Variants in PLXNB1 observed in about 807,000 individuals in gnomAD.
PLXNB1 encodes plexin B1.
PLXNB1 carries 106 observed loss-of-function variants against 209.4 expected under a neutral mutation model. That is an observed-to-expected ratio of 0.51 (90% CI 0.43 to 0.59). The LOEUF (loss-of-function observed/expected upper bound fraction) is 0.59, where lower values mean the gene tolerates loss of function less well. Ranked by LOEUF, PLXNB1 falls within the 20% of genes least tolerant of loss-of-function variation. The pLI, the probability that PLXNB1 is intolerant of heterozygous loss-of-function variation, is 0.00. For missense variants in PLXNB1, 2,357 were observed against 2,853.2 expected (o/e 0.83, Z 3.96); for synonymous variants, 1,167 against 1,183.2 (o/e 0.99, Z 0.28).
chr3:48,419,630 T>C lies in PLXNB1; in HGVS notation c.2656A>G (p.Ile886Val), dbSNP rs1303499797. The C allele has an allele frequency of 3.7e-6, 6 of 1,612,400 alleles. No homozygotes were observed. Among genetic ancestry groups the C allele is most frequent in the Non-Finnish European group, 5.1e-6 (6 of 1,179,828 alleles). ...AELEGPPAPL[I>V]LPSSLDYQYD... Reference sequence around the variant, plus strand: ...TGGTAGTCGAGGCTGGACGGGAGGATGAGGGGGGCGGGAGGGCCCTCAAGC... The same window carrying C: ...TGGTAGTCGAGGCTGGACGGGAGGACGAGGGGGGCGGGAGGGCCCTCAAGC... The change falls in exon 11 of 38, where the codon ATC (isoleucine) becomes GTC (valine). Residue 886 changes from isoleucine (I) to valine (V), a missense_variant. Around this residue, in one of 7 missense-constraint regions of PLXNB1, gnomAD observed 410 missense variants for 401.0 expected, o/e 1.02. Coordinates refer to ENST00000296440, the MANE Select transcript of PLXNB1 (RefSeq NM_001130082.3). The surrounding 1 kb of genome is among the most constrained non-coding windows in gnomAD (Gnocchi z 5.7).
chr3:48,422,667 G>GC, intron 4 of PLXNB1, 98 bp downstream of exon 4: 1 of 1,370,580 alleles, frequency 7.3e-7, no homozygotes, highest in Non-Finnish European at 1.0e-6. Context: ...ATCTCTCCTG[G>GC]CCCAGGGGTC....
intron 34 of PLXNB1, among the ~76,000 whole-genome samples, chr3:48,408,908 C>A (rs1340371293): frequency 6.6e-6 from 1 of 152,160 alleles, no homozygotes; most frequent in Non-Finnish European, 1.5e-5. Context: ...GACAGCACAG[C>A]GCCCTCTTGG....
In PLXNB1 at chr3:48,412,755, A is replaced by G. The variant is rs2037779544; in HGVS notation, c.4841T>C (p.Leu1614Pro). 1 of 1,612,366 alleles carries G rather than the reference A, an allele frequency of 6.2e-7. No individual in the cohort carries two copies. Among genetic ancestry groups the G allele is most frequent in the Non-Finnish European group, 8.5e-7 (1 of 1,179,176 alleles). The change falls in exon 25 of 38, where the codon CTC becomes CCC. Residue 1614 changes from leucine (L) to proline (P), a missense_variant. Around this residue, in one of 7 missense-constraint regions of PLXNB1, gnomAD observed 743 missense variants for 896.2 expected, o/e 0.83. Transcript: ENST00000296440. ...GQLSNLLNSK[L>P]FLTKFIHTLE... is the part of the protein sequence containing the mutation. The stretch of plus-strand genomic sequence containing the variant: ...AGCTGGGGGTACCTTGGTGAGGAAG[A>G]GCTTGCTGTTGAGCAGGTTAGAGAG...
chr3:48,409,686 T>A lies in PLXNB1; in HGVS notation c.5824A>T (p.Ser1942Cys), dbSNP rs758527514. 1 of 1,613,776 alleles carries A rather than the reference T, an allele frequency of 6.2e-7. No individual in the cohort carries two copies. Among genetic ancestry groups the A allele is most frequent in the African/African-American group, 1.3e-5 (1 of 74,908 alleles). Residue 1942 changes from serine (S) to cysteine (C), a missense_variant, in exon 33 of 38, where the codon AGC (serine) becomes TGC (cysteine). This residue lies in a region of PLXNB1 where 414 missense variants were observed against 520.5 expected (regional missense o/e 0.80). Coordinates refer to ENST00000296440, the MANE Select transcript of PLXNB1 (RefSeq NM_001130082.3). This position sits in a 1 kb window ranked among gnomAD's most constrained non-coding sequence, Gnocchi z 5.8. Reference sequence around the variant, plus strand: ...GCGAGCGGCACGGGGCGGCTGGTGCTGAGAATCACCTGGAACAGGTCATCC... The same window carrying A: ...GCGAGCGGCACGGGGCGGCTGGTGCAGAGAATCACCTGGAACAGGTCATCC... ...FVDDLFQVIL[S>C]TSRPVPLAVK...
In PLXNB1 at chr3:48,429,066, T is replaced by TC. The variant is rs2107061146; in HGVS notation, c.-60+941dup. 6.6e-6 allele frequency among the ~76,000 whole-genome samples: 1 copy of TC among 152,268 alleles called. No homozygotes were observed. The highest frequency in any genetic ancestry group is 2.4e-5 in the African/African-American group (1 of 41,556). On this transcript the variant is annotated intron_variant, in intron 1 of 37. Coordinates refer to ENST00000296440, the MANE Select transcript of PLXNB1 (RefSeq NM_001130082.3). This position sits in a 1 kb window ranked among gnomAD's most constrained non-coding sequence, Gnocchi z 6.4. ...GAGGAGCAGCTCCACCTCCTCAGTC[T>TC]CCCAATCGCGTTCCAGGCGGAGTCG...
chr3:48,414,108 C>G (rs751167564), intron 21 of PLXNB1, 37 bp from the exon 22 acceptor site: 1 of 1,602,944 alleles, frequency 6.2e-7, no homozygotes, highest in African/African-American at 1.3e-5. Flanking sequence ...ACTCAGGACC[C>G]TTCCCTCAGA....
chr3:48,420,945 C>A lies in PLXNB1; in HGVS notation c.1822G>T (p.Val608Leu). 3 of 1,613,050 alleles carry A rather than the reference C, an allele frequency of 1.9e-6. No individual in the cohort carries two copies. The highest frequency in any genetic ancestry group is 2.5e-6 in the Non-Finnish European group (3 of 1,179,134). Residue 608 changes from valine (V) to leucine (L), a missense_variant, in exon 9 of 38, where the codon GTG becomes TTG. Coordinates refer to ENST00000296440, the MANE Select transcript of PLXNB1 (RefSeq NM_001130082.3). ...GCGCCAAATCTGAGCTCCACGCTCA[C>A]GGATACGTAGTCTGCAGAGGGGGAG... The part of the protein sequence containing the change: ...VLPRGADYVS[V>L]SVELRFGAVV...
rs1388593420 is a variant in PLXNB1 at position 48,411,676 on chromosome 3, C to A, written c.5247+187G>T. 6.6e-6 allele frequency among the ~76,000 whole-genome samples: 1 copy of A among 152,192 alleles called. No individual in the cohort carries two copies. Among genetic ancestry groups the A allele is most frequent in the Non-Finnish European group, 1.5e-5 (1 of 68,044 alleles). ...CACATAGAGGCCTTATCATCAAAGT[C>A]TGCCCTAAACTGCTATCCTGCTAAG... On this transcript the variant is annotated intron_variant, in intron 28 of 37. Transcript: ENST00000296440. The surrounding 1 kb of genome is among the most constrained non-coding windows in gnomAD (Gnocchi z 4.0).
In PLXNB1 at chr3:48,404,248, G is replaced by A. The variant is rs1575370357; in HGVS notation, c.*238C>T. 3 of 525,304 alleles carry A rather than the reference G, an allele frequency of 5.7e-6. No homozygotes were observed. In the East Asian group the frequency reaches 9.4e-5, roughly 16 times the overall value. 32.5% of individuals were successfully genotyped at this position (525,304 alleles called of 1,614,324 possible). A position where few individuals can be genotyped will look rare whatever the true frequency, so the allele number is the denominator to read the frequency against. On this transcript the variant is annotated 3_prime_UTR_variant, in exon 38 of 38. Transcript: ENST00000296440. Reference sequence around the variant, plus strand: ...AGTCCCCAACTCCCTGCAGACCGGTGTCACAGGGTCGCTGGACTCGGGGAG... The same window carrying A: ...AGTCCCCAACTCCCTGCAGACCGGTATCACAGGGTCGCTGGACTCGGGGAG...
chr3:48,421,961 G>A, intron 6 of PLXNB1, 144 bp downstream of exon 6: 1 of 1,319,880 alleles, frequency 7.6e-7, no homozygotes, highest in Non-Finnish European at 1.0e-6. Flanking sequence ...GATGCCCAGT[G>A]CAGAGGATGG....
chr3:48,416,361 G>C lies in PLXNB1; in HGVS notation c.3465C>G (p.His1155Gln), dbSNP rs751648829. 6.2e-7 allele frequency: 1 copy of C among 1,612,078 alleles called. No homozygotes were observed. Among genetic ancestry groups the C allele is most frequent in the Non-Finnish European group, 8.5e-7 (1 of 1,179,166 alleles). ...VPGRGRGVSE[H>Q]DFAYQDPKVH... Reference sequence around the variant, plus strand: ...AGTCAGGTACCTGGTAGGCAAAGTCGTGTTCTGAGACACCACGTCCTCTTC... The same window carrying C: ...AGTCAGGTACCTGGTAGGCAAAGTCCTGTTCTGAGACACCACGTCCTCTTC... The change falls in exon 17 of 38, where the codon CAC becomes CAG. Residue 1155 changes from histidine (H) to glutamine (Q), a missense_variant. This residue lies in a region of PLXNB1 where 743 missense variants were observed against 896.2 expected (regional missense o/e 0.83). Transcript: ENST00000296440. This position sits in a 1 kb window ranked among gnomAD's most constrained non-coding sequence, Gnocchi z 4.1.
rs2038374860 is a variant in PLXNB1 at position 48,419,826 on chromosome 3, AG to A, written c.2459del (p.Pro820LeufsTer16). ...LHPTVPLDLP[P>X]ATVPATTFPG... Reference sequence around the variant, plus strand: ...GGAAAGTGGTGGCAGGAACAGTGGCAGGGGGCAGGTCCAGGGGCACTGTGGG... The same window carrying A: ...GGAAAGTGGTGGCAGGAACAGTGGCAGGGGCAGGTCCAGGGGCACTGTGGG... On this transcript the variant is annotated frameshift_variant, in exon 11 of 38. Coordinates refer to ENST00000296440, the MANE Select transcript of PLXNB1 (RefSeq NM_001130082.3). LOFTEE classifies it high-confidence loss of function. The surrounding 1 kb of genome is among the most constrained non-coding windows in gnomAD (Gnocchi z 5.7). The A allele has an allele frequency of 1.3e-6, 2 of 1,582,386 alleles. No individual in the cohort carries two copies. Among genetic ancestry groups the A allele is most frequent in the African/African-American group, 1.3e-5 (1 of 74,514 alleles).
chr3:48,418,976 G>T lies in PLXNB1; in HGVS notation c.2896C>A (p.Arg966=). ...LEGLEVVVEA[R]VECEPPPDTQ... Reference sequence around the variant, plus strand: ...TCTGGAGGTGGCTCACACTCGACCCGGGCCTCAACCACCACCTCGAGGCCC... The same window carrying T: ...TCTGGAGGTGGCTCACACTCGACCCTGGCCTCAACCACCACCTCGAGGCCC... The change falls in exon 13 of 38, where the codon CGG becomes AGG. Residue 966 remains arginine, a synonymous_variant. Coordinates refer to ENST00000296440, the MANE Select transcript of PLXNB1 (RefSeq NM_001130082.3). The surrounding 1 kb of genome is among the most constrained non-coding windows in gnomAD (Gnocchi z 6.6). 1 of 1,614,014 alleles carries T rather than the reference G, an allele frequency of 6.2e-7. No homozygotes were observed. The highest frequency in any genetic ancestry group is 8.5e-7 in the Non-Finnish European group (1 of 1,179,978).
Position 48,405,819 on chromosome 3 carries a change from A to G in PLXNB1, c.6229-21T>C, listed in dbSNP as rs1217640715. On this transcript the variant is annotated intron_variant, in intron 36 of 37. Coordinates refer to ENST00000296440, the MANE Select transcript of PLXNB1 (RefSeq NM_001130082.3). This position sits in a 1 kb window ranked among gnomAD's most constrained non-coding sequence, Gnocchi z 5.0. ...TAGTTCTAGGGAAGAGGCCAAATGAAAGGTGAGAGAGACGAGGGGTGCAGA... is the reference window on the plus strand; with the variant it reads ...TAGTTCTAGGGAAGAGGCCAAATGAGAGGTGAGAGAGACGAGGGGTGCAGA... 1.2e-5 allele frequency: 19 copies of G among 1,606,254 alleles called. No individual in the cohort carries two copies. The highest frequency in any genetic ancestry group is 1.2e-5 in the Non-Finnish European group (14 of 1,173,814).
At position 48,423,490 on chromosome 3, in the gene PLXNB1, A is replaced by G. The variant is rs2038670139; in HGVS notation, c.1107+15T>C. ...CCTCAGAGAGGCGGAAAAGTGGGGCAATACTGGAACTCACCACTGGCAGCT... is the reference window on the plus strand; with the variant it reads ...CCTCAGAGAGGCGGAAAAGTGGGGCGATACTGGAACTCACCACTGGCAGCT... On this transcript the variant is annotated intron_variant, in intron 3 of 37. Coordinates refer to ENST00000296440, the MANE Select transcript of PLXNB1 (RefSeq NM_001130082.3). 3 of 1,603,688 alleles carry G rather than the reference A, an allele frequency of 1.9e-6. No individual in the cohort carries two copies. Among genetic ancestry groups the G allele is most frequent in the East Asian group, 4.5e-5 (2 of 44,626 alleles).
At position 48,405,993 on chromosome 3, in the gene PLXNB1, A is replaced by C. The variant is rs552486384; in HGVS notation, c.6229-195T>G. On this transcript the variant is annotated intron_variant, in intron 36 of 37. Coordinates refer to ENST00000296440, the MANE Select transcript of PLXNB1 (RefSeq NM_001130082.3). The surrounding 1 kb of genome is among the most constrained non-coding windows in gnomAD (Gnocchi z 5.0). ...GCCAGGTGTGCCAGATGGGGACAGA[A>C]CAGGGTAGAGCAAGGGGGCCTCCTT... 1.8e-6 allele frequency: 1 copy of C among 547,076 alleles called. No individual in the cohort carries two copies. The highest frequency in any genetic ancestry group is 1.9e-5 in the African/African-American group (1 of 52,656). The allele number at this position is 547,076 out of a possible 1,614,324, so 33.9% of individuals were successfully genotyped here.
rs1259699746 is a variant in PLXNB1 at position 48,412,874 on chromosome 3, C to T, written c.4722G>A (p.Arg1574=). Residue 1574 remains arginine (R), a synonymous_variant, in exon 25 of 38, where the codon AGG becomes AGA. Coordinates refer to ENST00000296440, the MANE Select transcript of PLXNB1 (RefSeq NM_001130082.3). ...ACTCGCGGTGCCCAGGGAAGAAGAT[C>T]CTCTCCGCATACACCTTGTAGTCGA... ...PFLDYKVYAE[R]IFFPGHRESP... is the part of the protein sequence containing the mutation. The T allele has an allele frequency of 9.9e-6, 16 of 1,613,862 alleles. No individual in the cohort carries two copies. Among genetic ancestry groups the T allele is most frequent in the Non-Finnish European group, 1.3e-5 (15 of 1,180,048 alleles).
intron 34 of PLXNB1, among the ~76,000 whole-genome samples, chr3:48,408,545 C>T (rs1341545488): frequency 1.1e-4 from 17 of 152,132 alleles, no homozygotes; most frequent in Non-Finnish European, 5.9e-5. Context: ...CGGACGGCTC[C>T]AACTACTCAG....
In PLXNB1 at chr3:48,416,538, T is replaced by C; in HGVS notation, c.3375-87A>G. ...GGCAGCCCCTCTCCCTGCCCTACTG[T>C]CAGGTGGTCTTCCCCTTCCCATGCT... On this transcript the variant is annotated intron_variant, in intron 16 of 37. Coordinates refer to ENST00000296440, the MANE Select transcript of PLXNB1 (RefSeq NM_001130082.3). This position sits in a 1 kb window ranked among gnomAD's most constrained non-coding sequence, Gnocchi z 4.1. 1.3e-6 allele frequency: 1 copy of C among 792,950 alleles called. No individual in the cohort carries two copies. Among genetic ancestry groups the C allele is most frequent in the Non-Finnish European group, 2.0e-6 (1 of 488,518 alleles). 49.1% of individuals were successfully genotyped at this position (792,950 alleles called of 1,614,324 possible).
Sources: gnomAD v4.1 joint callset for allele counts (sites outside exome capture counted in the v4.1 genomes callset) on GRCh38, gnomAD v4.1.1 for gene constraint, gnomAD v4.1.1 regional missense constraint, Gnocchi (gnomAD v3.1) non-coding constraint, MANE v1.5 for transcripts, NCBI Gene and HGNC (gene_info 2026-07-23, HGNC 2026-07-21) for gene names.